Variants in DST observed in about 807,000 individuals in gnomAD.
DST encodes bullous pemphigoid antigen.
A neutral mutation model predicts 875.2 loss-of-function variants in DST; 253 were observed. The observed-to-expected ratio is 0.29, with a 90% confidence interval of 0.26 to 0.32. The LOEUF is 0.32. Among genes scored for constraint, DST ranks in the 10% least tolerant of loss-of-function variants. DST has a pLI of 1.00. For synonymous variants in DST, 3,124 were observed against 3,197.1 expected (o/e 0.98, Z 0.77); for missense variants, 8,287 against 9,111.6 (o/e 0.91, Z 3.68).
At chr6:56,712,090 C>CAAAAAAA (rs34769867) in intron 5 of DST, among the ~76,000 whole-genome samples, 4 of 76,552 alleles carry the variant, frequency 5.2e-5, no homozygotes, top group South Asian at 4.0e-4. Flanking sequence ...GACTCCGTCT[C>CAAAAAAA]AAAAAAAAAA....
intron 4 of DST, among the ~76,000 whole-genome samples, chr6:56,817,359 G>A (rs1452580980): frequency 1.3e-5 from 2 of 151,914 alleles, no homozygotes; most frequent in Non-Finnish European, 2.9e-5. Flanking sequence ...AGAATCTAAG[G>A]GCCATATGAC....
chr6:56,619,731 A>G, intron 36 of DST: 2 of 1,614,068 alleles, frequency 1.2e-6, no homozygotes, highest in South Asian at 1.1e-5. Context: ...AGTTGTTGAG[A>G]ATACCCTTTC....
At chr6:56,515,361 GTAAGTGTT>G (rs1425472648) in intron 72 of DST, 81 bp downstream of exon 72, 12 of 1,412,096 alleles carry the variant, frequency 8.5e-6, no homozygotes, top group African/African-American at 1.4e-5. Context: ...CCTTAATCAT[GTAAGTGTT>G]TAACTGTACT....
In DST at chr6:56,792,481, T is replaced by C. The variant is rs545920646; in HGVS notation, c.626-57192A>G. Among the ~76,000 whole-genome samples the C allele has an allele frequency of 6.6e-4, 100 of 152,268 alleles. No individual in the cohort carries two copies. In the Middle Eastern group the frequency reaches 0.014, roughly 21 times the overall value. ...TCAACTAAATGATCGATTTTTTTTT[T>C]TAAGAGATAGGGTCTCACTATGTTG... On this transcript the variant is annotated intron_variant, in intron 4 of 103. Coordinates refer to ENST00000680361, the MANE Select transcript of DST (RefSeq NM_001374736.1).
intron 2 of DST, among the ~76,000 whole-genome samples, chr6:56,931,364 C>A (rs1359093904): frequency 6.6e-6 from 1 of 152,150 alleles, no homozygotes; most frequent in Non-Finnish European, 1.5e-5. Context: ...GATGCCCAGA[C>A]AGAAGTTTGC....
chr6:56,751,806 G>A (rs531953814), intron 4 of DST, among the ~76,000 whole-genome samples: 24 of 152,222 alleles, frequency 1.6e-4, no homozygotes, highest in African/African-American at 5.8e-4. Context: ...TATGACTCAG[G>A]GATCTGCTCC....
chr6:56,756,416 G>A lies in DST; in HGVS notation c.626-21127C>T, dbSNP rs142203825. Among the ~76,000 whole-genome samples the A allele has an allele frequency of 5.6e-4, 85 of 152,232 alleles. No individual in the cohort carries two copies. The East Asian group carries it at 5.6e-3, about 10-fold the overall frequency. On this transcript the variant is annotated intron_variant, in intron 4 of 103. Transcript: ENST00000680361. ...GGGAAGTCACATCAATGTGGGACAC[G>A]GCCTGAGTCACAAGAATGGGCCAGA... is the stretch of plus-strand genomic sequence containing the variant.
At chr6:56,476,424 A>C in intron 91 of DST, 87 bp from the exon 92 acceptor site, 1 of 1,201,730 alleles carries the variant, frequency 8.3e-7, no homozygotes, top group South Asian at 1.7e-5. Context: ...TTTAAATGAA[A>C]ATTAGGATCA....
intron 23 of DST, 76 bp downstream of exon 23, chr6:56,636,481 A>T: frequency 9.0e-7 from 1 of 1,109,706 alleles, no homozygotes. Flanking sequence ...TCCTAACAAT[A>T]AATTATGAAA....
chr6:56,721,140 C>T lies in DST; in HGVS notation c.687+14088G>A, dbSNP rs568954096. ...CCTCCCAGACAGGGCAGCTGCTGGG[C>T]AGGGGCGGCCCCCCCCACCTCCCAG... is the stretch of plus-strand genomic sequence containing the variant. On this transcript the variant is annotated intron_variant, in intron 5 of 103. Transcript: ENST00000680361. Among the ~76,000 whole-genome samples, 6 of 151,218 alleles carry T rather than the reference C, an allele frequency of 4.0e-5. No homozygotes were observed. The East Asian group carries it at 1.2e-3, about 30-fold the overall frequency.
At chr6:56,903,293 GAAA>G (rs1358949899) in intron 2 of DST, among the ~76,000 whole-genome samples, 1 of 152,090 alleles carries the variant, frequency 6.6e-6, no homozygotes, top group Admixed American at 6.6e-5. Context: ...CACTTAGGGA[GAAA>G]AACTGCATAA....
chr6:56,601,533 C>G lies in DST; in HGVS notation c.11451G>C (p.Lys3817Asn), dbSNP rs772841279. ...CTGACTCCTGTACATCAAGAAAACA[C>G]TTCTGAGTTGTATTTAAGAGCCTCA... is the stretch of plus-strand genomic sequence containing the variant. ...QLLRLLNTTQ[K>N]CFLDVQESVT... is the part of the protein sequence containing the mutation. Residue 3817 changes from lysine to asparagine, a missense_variant, in exon 44 of 104, where the codon AAG becomes AAC. Around this residue, in one of 10 missense-constraint regions of DST, gnomAD observed 3,138 missense variants for 3,116.6 expected, o/e 1.01. Coordinates refer to ENST00000680361, the MANE Select transcript of DST (RefSeq NM_001374736.1). The G allele has an allele frequency of 1.2e-6, 2 of 1,606,110 alleles. No individual in the cohort carries two copies. Among genetic ancestry groups the G allele is most frequent in the Non-Finnish European group, 1.7e-6 (2 of 1,176,452 alleles).
At chr6:56,719,668 AG>A (rs1307355701) in intron 5 of DST, among the ~76,000 whole-genome samples, 1 of 152,228 alleles carries the variant, frequency 6.6e-6, no homozygotes, top group African/African-American at 2.4e-5. Context: ...CATTTCACGT[AG>A]GTTCTTTTCT....
intron 5 of DST, among the ~76,000 whole-genome samples, chr6:56,705,098 T>G (rs1394008435): frequency 6.6e-6 from 1 of 152,228 alleles, no homozygotes; most frequent in Non-Finnish European, 1.5e-5. Flanking sequence ...TCCCAAAAGC[T>G]TTGTTTAGCC....
chr6:56,690,285 C>G (rs975332761), intron 9 of DST, among the ~76,000 whole-genome samples: 1 of 152,078 alleles, frequency 6.6e-6, no homozygotes, highest in Non-Finnish European at 1.5e-5. Context: ...TCAAATGACG[C>G]GATGTGTCTG....
At chr6:56,642,537 C>A (rs529624699) in intron 15 of DST, 34 bp from the exon 16 acceptor site, 326 of 1,608,206 alleles carry the variant, frequency 2.0e-4, no homozygotes, top group Non-Finnish European at 2.7e-4. Context: ...TAAAGCTTCT[C>A]CCTTTGAAGT....
At chr6:56,725,923 GT>G (rs35751998) in intron 5 of DST, among the ~76,000 whole-genome samples, 1,655 of 148,638 alleles carry the variant, frequency 0.011, 27 homozygotes, top group African/African-American at 0.038. Flanking sequence ...TTCCAGGAGA[GT>G]TTTTTTTTTA....
At chr6:56,741,789 G>C (rs1158802957) in intron 4 of DST, among the ~76,000 whole-genome samples, 2 of 152,140 alleles carry the variant, frequency 1.3e-5, no homozygotes, top group African/African-American at 4.8e-5. Context: ...ACTCATTCCT[G>C]TGATTTTAAA....
intron 10 of DST, among the ~76,000 whole-genome samples, chr6:56,665,690 A>G (rs1053878033): frequency 6.6e-6 from 1 of 152,254 alleles, no homozygotes; most frequent in Middle Eastern, 3.4e-3. Flanking sequence ...GACACTGGGG[A>G]CTACTATGGG....
Sources: allele counts gnomAD v4.1 joint callset (sites outside exome capture counted in the v4.1 genomes callset), GRCh38; gene constraint gnomAD v4.1.1; regional missense constraint gnomAD v4.1.1; transcripts MANE v1.5; gene names NCBI Gene and HGNC (gene_info 2026-07-23, HGNC 2026-07-21).